Variants in ZFX observed in about 807,000 individuals in gnomAD.
ZFX encodes zinc finger protein X-linked.
For missense variants in ZFX, 362 were observed against 628.3 expected (o/e 0.58, Z 4.53); for synonymous variants, 196 against 226.8 (o/e 0.86, Z 1.22).
chrX:24,210,136 A>G (rs2148058869), intron 9 of ZFX, 57 bp from the exon 10 acceptor site: 2 of 1,202,919 alleles, frequency 1.7e-6, no homozygotes, highest in East Asian at 5.9e-5. Flanking sequence ...ATATTCGCAA[A>G]GAAACTGGAA....
intron 3 of ZFX, among the ~76,000 whole-genome samples, chrX:24,163,831 T>TA (rs199942005): frequency 0.025 from 1,628 of 65,208 alleles, 79 homozygotes; most frequent in African/African-American, 0.091. Flanking sequence ...CCCCCTCTTT[T>TA]AAAAAAAAGA....
At chrX:24,166,704 A>G (rs1359546437) in intron 3 of ZFX, among the ~76,000 whole-genome samples, 1 of 111,688 alleles carries the variant, frequency 9.0e-6, no homozygotes, top group East Asian at 2.8e-4. Context: ...CAAATTCAAC[A>G]TAGACTAGAG....
intron 5 of ZFX, among the ~76,000 whole-genome samples, chrX:24,204,270 CAGTA>C (rs1937493466): frequency 8.9e-6 from 1 of 112,445 alleles, no homozygotes; most frequent in Non-Finnish European, 1.9e-5. Context: ...TCTTGATTCT[CAGTA>C]AGTCAGAAGT....
At chrX:24,170,397 T>TC (rs1467158476) in intron 3 of ZFX, among the ~76,000 whole-genome samples, 1 of 109,455 alleles carries the variant, frequency 9.1e-6, no homozygotes, top group African/African-American at 3.3e-5. Flanking sequence ...CCTCAGGTGA[T>TC]CCACCCGTCT....
At chrX:24,175,071 C>T (rs904327471) in intron 4 of ZFX, among the ~76,000 whole-genome samples, 2 of 111,941 alleles carry the variant, frequency 1.8e-5, no homozygotes, top group South Asian at 3.7e-4. Flanking sequence ...ACTTGGGATA[C>T]TCTTTTAACT....
At chrX:24,190,876 A>G (rs1378401801) in intron 5 of ZFX, among the ~76,000 whole-genome samples, 1 of 111,945 alleles carries the variant, frequency 8.9e-6, no homozygotes. Context: ...TAGCTTCCTT[A>G]TTTGTGAAAT....
intron 5 of ZFX, among the ~76,000 whole-genome samples, chrX:24,181,753 C>G (rs1935706720): frequency 9.0e-6 from 1 of 111,030 alleles, no homozygotes; most frequent in Non-Finnish European, 1.9e-5. Flanking sequence ...TGAGAATGTT[C>G]ATTTCCCTAC....
intron 5 of ZFX, among the ~76,000 whole-genome samples, chrX:24,188,606 C>G (rs950376551): frequency 4.5e-5 from 5 of 110,610 alleles, no homozygotes; most frequent in Non-Finnish European, 9.4e-5. Flanking sequence ...AAATAGGGCC[C>G]AAAACATAAA....
chrX:24,197,156 A>G lies in ZFX; in HGVS notation c.647-10170A>G, dbSNP rs138926560. The stretch of plus-strand genomic sequence containing the variant: ...ATCTGCAGGCTCAGTGAAATTGCAA[A>G]CAATATGATGTCTTTTTAAAAACTT... On this transcript the variant is annotated intron_variant, in intron 5 of 9. Transcript: ENST00000304543. 6.9e-3 allele frequency among the ~76,000 whole-genome samples: 768 copies of G among 111,688 alleles called. 9 individuals are homozygous for G. The highest frequency in any genetic ancestry group is 0.023 in the African/African-American group (722 of 30,751).
intron 3 of ZFX, among the ~76,000 whole-genome samples, chrX:24,171,690 G>T (rs1176311057): frequency 9.0e-6 from 1 of 111,353 alleles, no homozygotes; most frequent in East Asian, 2.8e-4. Flanking sequence ...TTTGGCTTAA[G>T]TAGAAAAGGG....
At chrX:24,158,227 T>C (rs968493871) in intron 3 of ZFX, among the ~76,000 whole-genome samples, 3 of 111,058 alleles carry the variant, frequency 2.7e-5, no homozygotes, top group Non-Finnish European at 3.8e-5. Context: ...CAGCTTACAA[T>C]TGGTATCTTC....
At chrX:24,159,352 T>C (rs1933022655) in intron 3 of ZFX, among the ~76,000 whole-genome samples, 1 of 112,821 alleles carries the variant, frequency 8.9e-6, no homozygotes, top group African/African-American at 3.2e-5. Context: ...GTTATTGCCA[T>C]GTACTTTTCC....
At chrX:24,151,094 T>A (rs1164729632) in intron 1 of ZFX, among the ~76,000 whole-genome samples, 1 of 112,416 alleles carries the variant, frequency 8.9e-6, no homozygotes, top group Non-Finnish European at 1.9e-5. Flanking sequence ...TTTGTGAAGT[T>A]TTAAGGCGGA....
chrX:24,172,113 T>A (rs767916660), intron 3 of ZFX, among the ~76,000 whole-genome samples: 1 of 111,974 alleles, frequency 8.9e-6, no homozygotes, highest in Non-Finnish European at 1.9e-5. Flanking sequence ...CTTCTCTAGA[T>A]GAGAGGGTTA....
rs143636929 is a variant in ZFX at position 24,158,710 on chromosome X, C to G, written c.-29+5880C>G. 9.3e-3 allele frequency among the ~76,000 whole-genome samples: 1,015 copies of G among 109,076 alleles called. 10 individuals are homozygous for G. The highest frequency in any genetic ancestry group is 0.032 in the African/African-American group (946 of 29,987). The allele number at this position is 109,076 out of a possible 115,157, so 94.7% of individuals were successfully genotyped here. ...GGAGTGCAATGGTGCGATCTCGGCT[C>G]ACTGCAACCTCCGCCTCCTGGGTTC... On this transcript the variant is annotated intron_variant, in intron 3 of 9. Coordinates refer to ENST00000304543, the MANE Select transcript of ZFX (RefSeq NM_003410.4).
At chrX:24,179,028 C>G (rs1935431137) in intron 4 of ZFX, among the ~76,000 whole-genome samples, 155 bp from the exon 5 acceptor site, 1 of 112,348 alleles carries the variant, frequency 8.9e-6, no homozygotes, top group African/African-American at 3.2e-5. Flanking sequence ...ACATGTGATT[C>G]AAAAATAGAT....
chrX:24,156,401 A>G (rs1932785207), intron 3 of ZFX, among the ~76,000 whole-genome samples: 1 of 110,647 alleles, frequency 9.0e-6, no homozygotes, highest in Non-Finnish European at 1.9e-5. Context: ...CCTTACCCCA[A>G]GGTTGTAATG....
At chrX:24,149,830 G>A (rs1160690138) in intron 1 of ZFX, 36 bp downstream of exon 1, 6 of 109,876 alleles carry the variant, frequency 5.5e-5, no homozygotes, top group Admixed American at 4.7e-4. Context: ...GCGGGGCCTA[G>A]TGCGCGCACA....
chrX:24,206,103 A>T (rs1173677501), intron 5 of ZFX, among the ~76,000 whole-genome samples: 2 of 111,416 alleles, frequency 1.8e-5, no homozygotes, highest in Non-Finnish European at 3.8e-5. Context: ...GCAAGGACCT[A>T]GACTCATTAT....
Sources: allele counts gnomAD v4.1 joint callset (sites outside exome capture counted in the v4.1 genomes callset), GRCh38; gene constraint gnomAD v4.1.1; transcripts MANE v1.5; gene names NCBI Gene and HGNC (gene_info 2026-07-23, HGNC 2026-07-21).